Variants in MPRIP observed in about 807,000 individuals in gnomAD.
The protein encoded by MPRIP is myosin phosphatase Rho interacting protein, also known as myosin phosphatase Rho-interacting protein.
A neutral mutation model predicts 234.9 loss-of-function variants in MPRIP; 59 were observed. The observed-to-expected ratio is 0.25, with a 90% CI of 0.20 to 0.31. MPRIP has a LOEUF of 0.31. Ranked by LOEUF, MPRIP falls within the 10% of genes least tolerant of loss-of-function variation. The pLI is 1.00. For synonymous variants in MPRIP, 1,144 were observed against 1,263.9 expected (o/e 0.91, Z 2.01); for missense variants, 2,436 against 3,071.0 (o/e 0.79, Z 4.89).
intron 5 of MPRIP, among the ~76,000 whole-genome samples, chr17:17,131,943 C>T (rs1245814128): frequency 6.6e-6 from 1 of 152,202 alleles, no homozygotes; most frequent in Non-Finnish European, 1.5e-5. Context: ...AGTTTCCAGC[C>T]AGCTAGCAGT....
intron 3 of MPRIP, among the ~76,000 whole-genome samples, chr17:17,089,115 A>G (rs1255130774): frequency 6.6e-6 from 1 of 152,254 alleles, no homozygotes. Context: ...TGCCAGTCAC[A>G]GCACACAACA....
intron 19 of MPRIP, among the ~76,000 whole-genome samples, chr17:17,175,071 T>G (rs1250215613): frequency 6.6e-6 from 1 of 152,232 alleles, no homozygotes; most frequent in Non-Finnish European, 1.5e-5. Flanking sequence ...TCACTGCTGC[T>G]GTGGCTTAAA....
chr17:17,099,734 TA>T (rs1261600826), intron 3 of MPRIP, among the ~76,000 whole-genome samples: 3 of 151,934 alleles, frequency 2.0e-5, no homozygotes, highest in East Asian at 1.9e-4. Flanking sequence ...ATCTCTTTTT[TA>T]AAAAAAATGT....
intron 3 of MPRIP, among the ~76,000 whole-genome samples, chr17:17,084,428 C>G (rs2089538304): frequency 6.6e-6 from 1 of 152,234 alleles, no homozygotes; most frequent in Non-Finnish European, 1.5e-5. Flanking sequence ...TCCTTGCTGG[C>G]ACTTTCTGCC....
At chr17:17,075,833 C>T (rs1304454784) in intron 2 of MPRIP, 46 bp downstream of exon 2, 1 of 1,578,688 alleles carries the variant, frequency 6.3e-7, no homozygotes, top group South Asian at 1.1e-5. Flanking sequence ...AGAGAAGGGA[C>T]CCATCTAAGG....
Position 17,176,446 on chromosome 17 carries a change from A to G in MPRIP, c.6891A>G (p.Glu2297=). Residue 2297 remains glutamate, a synonymous_variant, in exon 21 of 24, where the codon GAA becomes GAG. Coordinates refer to ENST00000651222, the MANE Select transcript of MPRIP (RefSeq NM_001364716.4). ...YELEVLLRVK[E]SEIQYLKQEI... ...TTTAGGTCTTATTGCGGGTAAAGGAATCGGAAATACAGTACCTGAAACAGG... is the reference window on the plus strand; with the variant it reads ...TTTAGGTCTTATTGCGGGTAAAGGAGTCGGAAATACAGTACCTGAAACAGG... 1 of 1,613,992 alleles carries G rather than the reference A, an allele frequency of 6.2e-7. No homozygotes were observed. The highest frequency in any genetic ancestry group is 8.5e-7 in the Non-Finnish European group (1 of 1,179,924).
intron 3 of MPRIP, among the ~76,000 whole-genome samples, chr17:17,111,810 G>A (rs771169276): frequency 5.9e-5 from 9 of 152,072 alleles, no homozygotes; most frequent in Admixed American, 1.3e-4. Flanking sequence ...CCTCAAGCGG[G>A]CCGCCTTCCC....
intron 19 of MPRIP, among the ~76,000 whole-genome samples, chr17:17,174,708 G>A (rs1011378163): frequency 3.3e-5 from 5 of 151,644 alleles, no homozygotes; most frequent in South Asian, 2.1e-4. Flanking sequence ...GGTGGTGGGC[G>A]CCTATAGTCC....
Position 17,165,047 on chromosome 17 carries a change from C to T in MPRIP, c.3456C>T (p.Val1152=). 3.8e-6 allele frequency: 5 copies of T among 1,302,290 alleles called. No individual in the cohort carries two copies. The highest frequency in any genetic ancestry group is 5.1e-6 in the Non-Finnish European group (5 of 988,940). 80.7% of individuals were successfully genotyped at this position (1,302,290 alleles called of 1,614,324 possible). A position where few individuals can be genotyped will look rare whatever the true frequency, so the allele number is the denominator to read the frequency against. The change falls in exon 16 of 24, where the codon GTC becomes GTT. Residue 1152 remains valine (V), a synonymous_variant. Coordinates refer to ENST00000651222, the MANE Select transcript of MPRIP (RefSeq NM_001364716.4). Reference sequence around the variant, plus strand: ...GCCTGGAGCACTCCTACCAGAGGGTCTCCAGCCAGCTGCAGAGCATGCACA... The same window carrying T: ...GCCTGGAGCACTCCTACCAGAGGGTTTCCAGCCAGCTGCAGAGCATGCACA... ...NQSLEHSYQR[V]SSQLQSMHTL... is the part of the protein sequence containing the mutation.
chr17:17,133,779 T>C (rs971439962), intron 5 of MPRIP, among the ~76,000 whole-genome samples: 2 of 152,100 alleles, frequency 1.3e-5, no homozygotes, highest in African/African-American at 4.8e-5. Flanking sequence ...AGTCTAGGCC[T>C]GGGAGAAGAG....
At chr17:17,177,983 A>G (rs1597520107) in intron 22 of MPRIP, among the ~76,000 whole-genome samples, 2 of 149,542 alleles carry the variant, frequency 1.3e-5, no homozygotes, top group Non-Finnish European at 1.5e-5. Context: ...GTGGAATGCA[A>G]TGGCGTGATT....
In MPRIP at chr17:17,187,297, A is replaced by G. The variant is rs2046494398; in HGVS notation, c.*2403A>G. 1.3e-5 allele frequency: 2 copies of G among 150,056 alleles called. No individual in the cohort carries two copies. Among genetic ancestry groups the G allele is most frequent in the Non-Finnish European group, 2.9e-5 (2 of 67,862 alleles). The allele number at this position is 150,056 out of a possible 1,614,324, so 9.3% of individuals were successfully genotyped here. A position where few individuals can be genotyped will look rare whatever the true frequency, so the allele number is the denominator to read the frequency against. On this transcript the variant is annotated 3_prime_UTR_variant, in exon 24 of 24. Coordinates refer to ENST00000651222, the MANE Select transcript of MPRIP (RefSeq NM_001364716.4). ...GCATGTGAGGGGTCAGAGACAGGCC[A>G]GCAGGGCGTCTGCATTCCTCCCTGC...
chr17:17,101,394 C>T (rs1247666079), intron 3 of MPRIP, among the ~76,000 whole-genome samples: 5 of 152,102 alleles, frequency 3.3e-5, no homozygotes, highest in Middle Eastern at 3.2e-3. Context: ...GATGAAACCC[C>T]ATCTCTACTA....
chr17:17,068,781 G>C (rs1039755594), intron 1 of MPRIP, among the ~76,000 whole-genome samples: 1 of 151,942 alleles, frequency 6.6e-6, no homozygotes, highest in Non-Finnish European at 1.5e-5. Context: ...TGCTTGCCTC[G>C]GTCTGTAATC....
chr17:17,158,897 T>C lies in MPRIP; in HGVS notation c.2295T>C (p.Pro765=). 1 of 1,612,334 alleles carries C rather than the reference T, an allele frequency of 6.2e-7. No homozygotes were observed. The highest frequency in any genetic ancestry group is 8.5e-7 in the Non-Finnish European group (1 of 1,180,010). ...EQRWHQVETT[P]LREEKQVPIA... is the part of the protein sequence containing the mutation. Reference sequence around the variant, plus strand: ...GGTGGCATCAGGTGGAGACCACACCTCTCCGGGAAGAGAAGCAGGTGCCCA... The same window carrying C: ...GGTGGCATCAGGTGGAGACCACACCCCTCCGGGAAGAGAAGCAGGTGCCCA... The change falls in exon 14 of 24, where the codon CCT becomes CCC. Residue 765 remains proline (P), a synonymous_variant. Coordinates refer to ENST00000651222, the MANE Select transcript of MPRIP (RefSeq NM_001364716.4).
chr17:17,135,871 A>G (rs2090685229), intron 5 of MPRIP, among the ~76,000 whole-genome samples: 1 of 152,218 alleles, frequency 6.6e-6, no homozygotes, highest in South Asian at 2.1e-4. Flanking sequence ...TAGGGGCAAA[A>G]AGCAGAGGGT....
chr17:17,146,162 C>T, intron 10 of MPRIP, 70 bp downstream of exon 10: 1 of 1,435,802 alleles, frequency 7.0e-7, no homozygotes, highest in Non-Finnish European at 9.8e-7. Context: ...GTCCTTGTCC[C>T]CAGCCAGTCT....
At chr17:17,160,475 C>T (rs1419351891) in intron 14 of MPRIP, among the ~76,000 whole-genome samples, 4 of 152,246 alleles carry the variant, frequency 2.6e-5, no homozygotes, top group Non-Finnish European at 2.9e-5. Flanking sequence ...CCATTCAGCA[C>T]GAGCTCTGGG....
intron 11 of MPRIP, among the ~76,000 whole-genome samples, chr17:17,147,734 G>A (rs1244306110): frequency 6.6e-6 from 1 of 152,274 alleles, no homozygotes; most frequent in East Asian, 1.9e-4. Flanking sequence ...AACTCAGGAT[G>A]AACAATTTTG....
Sources: gnomAD v4.1 joint callset for allele counts (sites outside exome capture counted in the v4.1 genomes callset) on GRCh38, gnomAD v4.1.1 for gene constraint, MANE v1.5 for transcripts, NCBI Gene and HGNC (gene_info 2026-07-23, HGNC 2026-07-21) for gene names.